Variants in NFIA observed in about 807,000 individuals in gnomAD.
NFIA encodes the protein nuclear factor I A.
NFIA carries 8 observed loss-of-function variants against 62.8 expected under a neutral mutation model. The ratio of observed to expected loss-of-function variants is 0.13; its 90% CI spans 0.07 to 0.23. The LOEUF (loss-of-function observed/expected upper bound fraction) is 0.23. NFIA is among the 10% of genes least tolerant of loss of function. NFIA has a pLI of 1.00. For missense variants in NFIA, 410 were observed against 642.1 expected (o/e 0.64, Z 3.91); for synonymous variants, 235 against 238.1 (o/e 0.99, Z 0.12).
intron 3 of NFIA, among the ~76,000 whole-genome samples, chr1:61,302,425 G>C (rs2100332072): frequency 6.6e-6 from 1 of 152,306 alleles, no homozygotes; most frequent in African/African-American, 2.4e-5. Context: ...CCAGGACAGT[G>C]ACTAAGTGGG....
At chr1:61,329,116 T>C (rs1294770827) in intron 3 of NFIA, among the ~76,000 whole-genome samples, 1 of 150,678 alleles carries the variant, frequency 6.6e-6, no homozygotes, top group Non-Finnish European at 1.5e-5. Context: ...GGCGCGATCT[T>C]GGCTCGCTGC....
At chr1:61,078,159 T>C (rs915944376), upstream of NFIA, among the ~76,000 whole-genome samples, 3 of 152,042 alleles carry the variant, frequency 2.0e-5, no homozygotes, top group African/African-American at 7.2e-5. Context: ...AGAGGAGATC[T>C]GAAGTTCTCT....
At chr1:61,106,677 A>G (rs954923957) in intron 2 of NFIA, among the ~76,000 whole-genome samples, 4 of 151,590 alleles carry the variant, frequency 2.6e-5, no homozygotes, top group African/African-American at 9.7e-5. Context: ...TTTTCACTTT[A>G]TTTTTAATAT....
Position 61,461,132 on chromosome 1 carries a change from A to G in NFIA, c.*5812A>G, listed in dbSNP as rs935794944. On this transcript the variant is annotated 3_prime_UTR_variant, in exon 11 of 11. Transcript: ENST00000403491. ...GAATTTCAAGAACTGTGCTGCGAAG[A>G]CACTCTGAGAACATTTGCAAGTCAG... is the stretch of plus-strand genomic sequence containing the variant. The G allele has an allele frequency of 6.6e-5, 10 of 152,160 alleles. No homozygotes were observed. The highest frequency in any genetic ancestry group is 2.4e-4 in the African/African-American group (10 of 41,438). 9.4% of individuals were successfully genotyped at this position (152,160 alleles called of 1,614,324 possible).
At chr1:61,077,717 G>T, upstream of NFIA, 1 of 1,068,130 alleles carries the variant, frequency 9.4e-7, no homozygotes, top group African/African-American at 1.6e-5. Context: ...TAATGGCTAA[G>T]ACTAAAATTT....
chr1:61,289,946 C>G (rs1175840540), intron 3 of NFIA, among the ~76,000 whole-genome samples: 1 of 151,762 alleles, frequency 6.6e-6, no homozygotes, highest in East Asian at 1.9e-4. Flanking sequence ...AGCTCGCCTT[C>G]TCTCTCATCC....
At chr1:61,294,524 G>C (rs996693731) in intron 3 of NFIA, among the ~76,000 whole-genome samples, 2 of 152,202 alleles carry the variant, frequency 1.3e-5, no homozygotes, top group African/African-American at 4.8e-5. Context: ...AAGGTTATTG[G>C]AAAGTCATTT....
chr1:61,154,674 A>C (rs935162867), intron 2 of NFIA, among the ~76,000 whole-genome samples: 3 of 151,604 alleles, frequency 2.0e-5, no homozygotes, highest in Admixed American at 2.0e-4. Flanking sequence ...CTGGTATTGA[A>C]CTCCTGGGCT....
intron 4 of NFIA, among the ~76,000 whole-genome samples, chr1:61,350,501 C>A (rs952103347): frequency 6.6e-6 from 1 of 152,080 alleles, no homozygotes; most frequent in Non-Finnish European, 1.5e-5. Flanking sequence ...CCGGGTGTGG[C>A]GTAGCATACC....
At chr1:61,342,100 G>T (rs1289933799) in intron 4 of NFIA, among the ~76,000 whole-genome samples, 1 of 152,128 alleles carries the variant, frequency 6.6e-6, no homozygotes, top group Admixed American at 6.5e-5. Context: ...CTAATCCAGT[G>T]TGTGGTTAAT....
chr1:61,151,012 C>A (rs1648361235), intron 2 of NFIA, among the ~76,000 whole-genome samples: 1 of 152,114 alleles, frequency 6.6e-6, no homozygotes, highest in African/African-American at 2.4e-5. Context: ...AGTGCAAGAC[C>A]AGTTGATGTT....
At chr1:61,327,745 G>C (rs1350810078) in intron 3 of NFIA, among the ~76,000 whole-genome samples, 4 of 152,012 alleles carry the variant, frequency 2.6e-5, no homozygotes, top group Non-Finnish European at 5.9e-5. Flanking sequence ...TTGTCTTTTT[G>C]ATATATTGAC....
chr1:61,389,220 T>C (rs1226664468), intron 7 of NFIA, among the ~76,000 whole-genome samples: 1 of 152,198 alleles, frequency 6.6e-6, no homozygotes, highest in Middle Eastern at 3.2e-3. Flanking sequence ...TGGGTTGTTT[T>C]TATGAGGTCA....
At chr1:61,143,768 C>CTA (rs1318293370) in intron 2 of NFIA, among the ~76,000 whole-genome samples, 1 of 152,120 alleles carries the variant, frequency 6.6e-6, no homozygotes, top group East Asian at 1.9e-4. Flanking sequence ...TATATCGAGT[C>CTA]TATATTCAGC....
chr1:61,241,849 A>G (rs912451544), intron 2 of NFIA, among the ~76,000 whole-genome samples: 1 of 152,124 alleles, frequency 6.6e-6, no homozygotes, highest in Non-Finnish European at 1.5e-5. Flanking sequence ...AAACCACTGT[A>G]AAATAACATG....
intron 7 of NFIA, among the ~76,000 whole-genome samples, chr1:61,403,594 A>G (rs1192031454): frequency 6.6e-6 from 1 of 152,152 alleles, no homozygotes; most frequent in Non-Finnish European, 1.5e-5. Flanking sequence ...TCATTAAGTG[A>G]TCATTTACTA....
At chr1:61,325,221 T>A (rs765305799) in intron 3 of NFIA, among the ~76,000 whole-genome samples, 1 of 152,228 alleles carries the variant, frequency 6.6e-6, no homozygotes, top group Admixed American at 6.5e-5. Context: ...ATTAATAATA[T>A]CTGAATTTGG....
chr1:61,231,275 G>T (rs544223605), intron 2 of NFIA, among the ~76,000 whole-genome samples: 1 of 152,174 alleles, frequency 6.6e-6, no homozygotes, highest in African/African-American at 2.4e-5. Context: ...GCAATGACTG[G>T]ATATAAAGTA....
chr1:61,345,221 A>G (rs1040045573), intron 4 of NFIA, among the ~76,000 whole-genome samples: 1 of 152,214 alleles, frequency 6.6e-6, no homozygotes, highest in Admixed American at 6.5e-5. Context: ...ATACTACTTA[A>G]GAAAATTGAG....
Sources: gnomAD v4.1 joint callset for allele counts (sites outside exome capture counted in the v4.1 genomes callset) on GRCh38, gnomAD v4.1.1 for gene constraint, MANE v1.5 for transcripts, NCBI Gene and HGNC (gene_info 2026-07-23, HGNC 2026-07-21) for gene names.